DLG4: variants seen among roughly 807,000 people sequenced by gnomAD.
The protein encoded by DLG4 is discs large MAGUK scaffold protein 4, also known as disks large homolog 4.
A neutral mutation model predicts 93.8 loss-of-function variants in DLG4; 7 were observed. That is an observed-to-expected ratio of 0.07 (90% CI 0.04 to 0.14). DLG4 has a LOEUF of 0.14. DLG4 is among the 10% of genes least tolerant of loss of function. The probability of loss-of-function intolerance (pLI) is 1.00; values close to 1 mark genes in which losing one functional copy is unlikely to be tolerated. For synonymous variants in DLG4, 341 were observed against 387.6 expected, an observed-to-expected ratio of 0.88 and a Z score of 1.41; for missense variants, 545 against 992.9, an observed-to-expected ratio of 0.55 and a Z score of 6.06.
In DLG4 at chr17:7,194,057, C is replaced by T; in HGVS notation, c.1479-57G>A. 3 of 1,594,472 alleles carry T rather than the reference C, an allele frequency of 1.9e-6. No homozygotes were observed. The highest frequency in any genetic ancestry group is 2.6e-6 in the Non-Finnish European group (3 of 1,170,678). ...GGGAATGCCTACCCCCTGCCACCCC[C>T]ATGCTCTGAGCCAGCTGACAACCCC... On this transcript the variant is annotated intron_variant, in intron 12 of 19. Transcript: ENST00000399506. The surrounding 1 kb of genome is among the most constrained non-coding windows in gnomAD (Gnocchi z 4.4).
chr17:7,209,051 G>A (rs1371332702), intron 1 of DLG4, among the ~76,000 whole-genome samples: 1 of 152,144 alleles, frequency 6.6e-6, no homozygotes, highest in African/African-American at 2.4e-5. Flanking sequence ...AACAGAGACA[G>A]CAGGGCTCAG....
At chr17:7,205,540 AT>A (rs1402852233) in intron 2 of DLG4, among the ~76,000 whole-genome samples, 2 of 152,026 alleles carry the variant, frequency 1.3e-5, no homozygotes, top group Non-Finnish European at 2.9e-5. Flanking sequence ...TCCTACTGCT[AT>A]TTCTCAAGCC....
Position 7,203,619 on chromosome 17 carries a change from C to A in DLG4, c.336-26G>T. 6.2e-7 allele frequency: 1 copy of A among 1,608,942 alleles called. No individual in the cohort carries two copies. The highest frequency in any genetic ancestry group is 8.5e-7 in the Non-Finnish European group (1 of 1,175,774). ...CTGGGAGCAGCAAGGTGGGCCTGAG[C>A]CAAGAGCTTCCTGCTGCCCTGGCCC... On this transcript the variant is annotated intron_variant, in intron 5 of 19. Transcript: ENST00000399506. The surrounding 1 kb of genome is among the most constrained non-coding windows in gnomAD (Gnocchi z 7.2).
At chr17:7,205,518 G>A (rs1567544399) in intron 2 of DLG4, among the ~76,000 whole-genome samples, 1 of 151,982 alleles carries the variant, frequency 6.6e-6, no homozygotes. Flanking sequence ...GTCCAAAGGG[G>A]TCCCTCCCCT....
chr17:7,204,589 G>A (rs955364446), intron 2 of DLG4, among the ~76,000 whole-genome samples: 3 of 151,964 alleles, frequency 2.0e-5, no homozygotes, highest in Non-Finnish European at 4.4e-5. Flanking sequence ...TGGGGAGAGG[G>A]GGGTAGGCTT....
rs554156511 is a variant in DLG4, at chr17:7,193,430, C to A, written c.1693+53G>T. The A allele has an allele frequency of 3.6e-4, 529 of 1,480,858 alleles. 3 individuals carry two copies. The African/African-American group carries it at 6.8e-3, about 19-fold the overall frequency. 91.7% of individuals were successfully genotyped at this position (1,480,858 alleles called of 1,614,324 possible). ...CCTATGGCCCCAGGGATGGGCCTCC[C>A]CTGCCCCACCCCCACTTCCACCTTC... On this transcript the variant is annotated intron_variant, in intron 16 of 19. Transcript: ENST00000399506. This position sits in a 1 kb window ranked among gnomAD's most constrained non-coding sequence, Gnocchi z 6.7.
intron 1 of DLG4, chr17:7,213,924 G>T (rs1440759672): frequency 2.1e-6 from 1 of 465,222 alleles, no homozygotes; most frequent in Admixed American, 2.4e-5. Flanking sequence ...AGTCAGTGCG[G>T]AAGGGGCTGG....
chr17:7,216,768 G>C (rs1420640871), intron 1 of DLG4, among the ~76,000 whole-genome samples: 1 of 151,648 alleles, frequency 6.6e-6, no homozygotes, highest in Non-Finnish European at 1.5e-5. Context: ...CCCCAACATA[G>C]CCCACCTTCC....
rs1327875325 is a variant in DLG4 at position 7,187,511 on chromosome 17, A to G, written c.*3197T>C. Among the ~76,000 whole-genome samples the G allele has an allele frequency of 6.6e-6, 1 of 151,628 alleles. No homozygotes were observed. Among genetic ancestry groups the G allele is most frequent in the Non-Finnish European group, 1.5e-5 (1 of 67,940 alleles). On this transcript the variant is annotated 3_prime_UTR_variant, in exon 20 of 20. Coordinates refer to ENST00000399506, the MANE Select transcript of DLG4 (RefSeq NM_001321075.3). Reference sequence around the variant, plus strand: ...CAGTGAGCAGAGATCGCACCACTGCACTCCAGCCTGGGCAACAAGAGCGAA... The same window carrying G: ...CAGTGAGCAGAGATCGCACCACTGCGCTCCAGCCTGGGCAACAAGAGCGAA...
At chr17:7,216,916 ACAAAGGGATCACT>A (rs2070943011) in intron 1 of DLG4, among the ~76,000 whole-genome samples, 189 bp downstream of exon 1, 1 of 151,992 alleles carries the variant, frequency 6.6e-6, no homozygotes. Context: ...CCCTACAGGT[ACAAAGGGATCACT>A]CCAGGGGGCA....
In DLG4 at chr17:7,194,380, C is replaced by T; in HGVS notation, c.1417G>A (p.Ala473Thr). 1 of 1,612,832 alleles carries T rather than the reference C, an allele frequency of 6.2e-7. No individual in the cohort carries two copies. Among genetic ancestry groups the T allele is most frequent in the Non-Finnish European group, 8.5e-7 (1 of 1,179,468 alleles). ...IDASDEEWWQ[A>T]RRVHSDSETD... Reference sequence around the variant, plus strand: ...TCACTGTCAGAGTGGACCCGCCGTGCCTGCCACCACTCCTCATCACTAGCA... The same window carrying T: ...TCACTGTCAGAGTGGACCCGCCGTGTCTGCCACCACTCCTCATCACTAGCA... Residue 473 changes from alanine (A) to threonine (T), a missense_variant, in exon 12 of 20, where the codon GCA (alanine) becomes ACA (threonine). Transcript: ENST00000399506. This position sits in a 1 kb window ranked among gnomAD's most constrained non-coding sequence, Gnocchi z 4.4.
rs976402307 is a variant in DLG4, at chr17:7,189,241, C to T, written c.*1467G>A. 4.6e-5 allele frequency among the ~76,000 whole-genome samples: 7 copies of T among 151,864 alleles called. No individual in the cohort carries two copies. Among genetic ancestry groups the T allele is most frequent in the Middle Eastern group, 6.3e-3 (2 of 316 alleles). On this transcript the variant is annotated 3_prime_UTR_variant, in exon 20 of 20. Transcript: ENST00000399506. ...GCGCGGTGGCTCACGCCTGTAATCC[C>T]AGCACTTTGGGAGGCTGAGGCGGGT...
rs1369703663 is a variant in DLG4 at position 7,196,929 on chromosome 17, T to A, written c.911A>T (p.Glu304Val). 6.2e-7 allele frequency: 1 copy of A among 1,613,472 alleles called. No homozygotes were observed. The highest frequency in any genetic ancestry group is 1.3e-5 in the African/African-American group (1 of 74,832). Residue 304 changes from glutamate to valine, a missense_variant, in exon 9 of 20, where the codon GAG (glutamate) becomes GTG (valine). Glu to Val is a moderately radical substitution (Grantham distance 121). This residue lies in a region of DLG4 where 428 missense variants were observed against 741.4 expected (regional missense o/e 0.58). Coordinates refer to ENST00000399506, the MANE Select transcript of DLG4 (RefSeq NM_001321075.3). This position sits in a 1 kb window ranked among gnomAD's most constrained non-coding sequence, Gnocchi z 8.3. ...CCTCGGTTCTCGGGGAATGTCTTCC[T>A]CCCCGAGCAGGTCCTTGGCCACTGG... ...YSPVAKDLLG[E>V]EDIPREPRRI...
In DLG4 at chr17:7,217,259, G is replaced by T. The variant is rs888212677; in HGVS notation, c.-112C>A. 8.8e-6 allele frequency: 11 copies of T among 1,254,264 alleles called. No homozygotes were observed. Among genetic ancestry groups the T allele is most frequent in the Non-Finnish European group, 1.1e-5 (11 of 991,180 alleles). 77.7% of individuals were successfully genotyped at this position (1,254,264 alleles called of 1,614,324 possible). On this transcript the variant is annotated 5_prime_UTR_variant, in exon 1 of 20. Transcript: ENST00000399506. ...CCCCTCCGCACCCCACTTTTGCAGG[G>T]GGGGCCAGGATGGGGGGAGGGGTGA... is the stretch of plus-strand genomic sequence containing the variant.
intron 1 of DLG4, among the ~76,000 whole-genome samples, chr17:7,211,244 A>G (rs1176767927): frequency 6.6e-6 from 1 of 151,710 alleles, no homozygotes; most frequent in Admixed American, 6.6e-5. Context: ...ACGGGAAAGG[A>G]GGACCCCCCC....
At position 7,188,448 on chromosome 17, in the gene DLG4, C is replaced by A. The variant is rs1027661438; in HGVS notation, c.*2260G>T. Among the ~76,000 whole-genome samples the A allele has an allele frequency of 2.0e-5, 3 of 152,136 alleles. No individual in the cohort carries two copies. Among genetic ancestry groups the A allele is most frequent in the Non-Finnish European group, 4.4e-5 (3 of 68,032 alleles). ...GGGCCCTCTGCCTCAGCCTTACCCA[C>A]TGGAGCACCTGAGAATCAGAGAAAG... On this transcript the variant is annotated 3_prime_UTR_variant, in exon 20 of 20. Coordinates refer to ENST00000399506, the MANE Select transcript of DLG4 (RefSeq NM_001321075.3).
At chr17:7,217,759 GCC>G (rs1567555710), upstream of DLG4, 25 of 1,535,372 alleles carry the variant, frequency 1.6e-5, no homozygotes, top group Non-Finnish European at 2.0e-5. Flanking sequence ...AAGCACAGAG[GCC>G]CCTGAGGCAA....
upstream of DLG4, chr17:7,219,163 A>G (rs559343660): frequency 3.0e-4 from 124 of 418,260 alleles, 1 homozygote; most frequent in African/African-American, 4.7e-4. Context: ...TCTCACCCCA[A>G]TGAGAATTGC....
Position 7,203,989 on chromosome 17 carries a change from G to A in DLG4, c.210+19C>T, listed in dbSNP as rs1424895530. 3 of 1,609,886 alleles carry A rather than the reference G, an allele frequency of 1.9e-6. No individual in the cohort carries two copies. The highest frequency in any genetic ancestry group is 2.2e-5 in the South Asian group (2 of 90,174). On this transcript the variant is annotated intron_variant, in intron 4 of 19. Transcript: ENST00000399506. This position sits in a 1 kb window ranked among gnomAD's most constrained non-coding sequence, Gnocchi z 7.2. ...CAGACGGGAGGCCACGGGGACTGCC[G>A]ATGGAGGAGCCTGCTCACCCTTTCC... is the stretch of plus-strand genomic sequence containing the variant.
Sources: gnomAD v4.1 joint callset for allele counts (sites outside exome capture counted in the v4.1 genomes callset) on GRCh38, gnomAD v4.1.1 for gene constraint, gnomAD v4.1.1 regional missense constraint, Gnocchi (gnomAD v3.1) non-coding constraint, MANE v1.5 for transcripts, NCBI Gene and HGNC (gene_info 2026-07-23, HGNC 2026-07-21) for gene names.